Variants in TCP11L2 observed in about 807,000 individuals in gnomAD.
TCP11L2 encodes T-complex protein 11-like protein 2.
In TCP11L2, 39 loss-of-function variants were observed where a neutral mutation model predicts 50.7. The observed-to-expected ratio is 0.77, with a 90% confidence interval of 0.60 to 1.01. TCP11L2 has a LOEUF of 1.01. Ranked by LOEUF, TCP11L2 falls within the 50% of genes least tolerant of loss-of-function variation. TCP11L2 has a pLI of 0.00. For missense variants in TCP11L2, 612 were observed against 614.7 expected, an observed-to-expected ratio of 1.00 and a Z score of 0.05; for synonymous variants, 192 against 219.3, an observed-to-expected ratio of 0.88 and a Z score of 1.10.
At chr12:106,306,737 A>G (rs192980326) in intron 1 of TCP11L2, among the ~76,000 whole-genome samples, 1 of 152,350 alleles carries the variant, frequency 6.6e-6, no homozygotes, top group East Asian at 1.9e-4. Flanking sequence ...CTTGACAGAT[A>G]CTATTTCAGT....
intron 8 of TCP11L2, among the ~76,000 whole-genome samples, chr12:106,336,834 C>T (rs752541951): frequency 6.6e-6 from 1 of 152,078 alleles, no homozygotes; most frequent in Non-Finnish European, 1.5e-5. Context: ...TTGAAGAGGG[C>T]TTTCCTCCAG....
At chr12:106,322,203 A>G (rs2035365826) in intron 5 of TCP11L2, among the ~76,000 whole-genome samples, 1 of 151,968 alleles carries the variant, frequency 6.6e-6, no homozygotes, top group Non-Finnish European at 1.5e-5. Flanking sequence ...TGATCAGACA[A>G]CCCTCCACGT....
chr12:106,310,900 G>A (rs1372920000), intron 1 of TCP11L2, 141 bp from the exon 2 acceptor site: 8 of 696,348 alleles, frequency 1.1e-5, no homozygotes, highest in Non-Finnish European at 1.9e-5. Flanking sequence ...CGGCCAAGGT[G>A]CTGGGGGAAG....
chr12:106,303,252 CA>C (rs2034491564), intron 1 of TCP11L2: 1 of 152,584 alleles, frequency 6.6e-6, no homozygotes, highest in Admixed American at 6.5e-5. Context: ...TCCTGCTGGA[CA>C]GGTACCAGCG....
upstream of TCP11L2, among the ~76,000 whole-genome samples, chr12:106,300,547 G>A (rs2034392684): frequency 6.6e-6 from 1 of 152,192 alleles, no homozygotes; most frequent in East Asian, 1.9e-4. Context: ...AGCCAGGATG[G>A]TCTCGATCTC....
chr12:106,311,469 A>G (rs1334429711), intron 2 of TCP11L2, among the ~76,000 whole-genome samples: 20 of 152,210 alleles, frequency 1.3e-4, no homozygotes, highest in Admixed American at 1.3e-3. Flanking sequence ...CGGTCTGATG[A>G]TAAGTCAGGA....
At chr12:106,333,523 A>G (rs1356524681) in intron 6 of TCP11L2, among the ~76,000 whole-genome samples, 1 of 152,180 alleles carries the variant, frequency 6.6e-6, no homozygotes, top group Non-Finnish European at 1.5e-5. Context: ...TGGGTAATGG[A>G]TATGGTTTAT....
chr12:106,308,590 AG>A (rs1473446303), intron 1 of TCP11L2, among the ~76,000 whole-genome samples: 4 of 152,256 alleles, frequency 2.6e-5, no homozygotes, highest in African/African-American at 9.6e-5. Context: ...TTAAGAGCAG[AG>A]CATGCATAGC....
chr12:106,341,375 G>C (rs1188003854), intron 9 of TCP11L2, among the ~76,000 whole-genome samples: 1 of 152,220 alleles, frequency 6.6e-6, no homozygotes, highest in Non-Finnish European at 1.5e-5. Flanking sequence ...CAGGCTTAAA[G>C]AGACAAAGAC....
chr12:106,320,529 A>G (rs1592949048), intron 4 of TCP11L2, among the ~76,000 whole-genome samples: 1 of 152,286 alleles, frequency 6.6e-6, no homozygotes, highest in East Asian at 1.9e-4. Flanking sequence ...CCACATCCCA[A>G]AGATGTGCAT....
intron 3 of TCP11L2, 83 bp downstream of exon 3, chr12:106,314,576 TGAGAGAGAGAGA>T (rs71072670): frequency 1.5e-4 from 43 of 282,582 alleles, no homozygotes; most frequent in South Asian, 4.9e-4. Flanking sequence ...TGTGTGTGTG[TGAGAGAGAGAGA>T]GAGAGAGAGA....
chr12:106,322,743 C>A (rs1478745659), intron 5 of TCP11L2, among the ~76,000 whole-genome samples: 2 of 152,182 alleles, frequency 1.3e-5, no homozygotes, highest in South Asian at 4.1e-4. Context: ...ATTTACTTTG[C>A]AATCTTGGGC....
chr12:106,322,298 G>A (rs1466841447), intron 5 of TCP11L2, among the ~76,000 whole-genome samples: 2 of 152,116 alleles, frequency 1.3e-5, no homozygotes, highest in Non-Finnish European at 2.9e-5. Flanking sequence ...CTGGCAAATG[G>A]GAAAGAGACC....
chr12:106,335,606 T>C (rs369810385), intron 6 of TCP11L2, 33 bp from the exon 7 acceptor site: 9 of 1,606,804 alleles, frequency 5.6e-6, no homozygotes, highest in African/African-American at 1.3e-5. Context: ...ATCAATCAGC[T>C]GTAGAACAAA....
At chr12:106,320,296 G>C (rs2035290373) in intron 4 of TCP11L2, among the ~76,000 whole-genome samples, 1 of 152,106 alleles carries the variant, frequency 6.6e-6, no homozygotes, top group African/African-American at 2.4e-5. Context: ...TACTCAGGAG[G>C]CTGGGGCAGG....
intron 6 of TCP11L2, among the ~76,000 whole-genome samples, chr12:106,334,355 G>A (rs923321884): frequency 2.0e-5 from 3 of 152,168 alleles, no homozygotes; most frequent in African/African-American, 7.2e-5. Context: ...CCTATATTCT[G>A]TATCTTGGTA....
intron 6 of TCP11L2, chr12:106,329,439 A>C: frequency 6.5e-7 from 1 of 1,534,774 alleles, no homozygotes; most frequent in Non-Finnish European, 8.7e-7. Context: ...TCCCTAAGAG[A>C]AGAGCCAACG....
chr12:106,309,768 CTTTG>C (rs995750709), intron 1 of TCP11L2, among the ~76,000 whole-genome samples: 24 of 151,764 alleles, frequency 1.6e-4, no homozygotes, highest in East Asian at 9.7e-4. Flanking sequence ...AGGGCATTGT[CTTTG>C]TTTGGTTACT....
chr12:106,307,734 C>T (rs189511267), intron 1 of TCP11L2, among the ~76,000 whole-genome samples: 74 of 152,260 alleles, frequency 4.9e-4, no homozygotes, highest in African/African-American at 1.7e-3. Context: ...TAACTACCAG[C>T]CTTGTTTGTC....
Sources: allele counts gnomAD v4.1 joint callset (sites outside exome capture counted in the v4.1 genomes callset), GRCh38; gene constraint gnomAD v4.1.1; transcripts MANE v1.5; gene names NCBI Gene and HGNC (gene_info 2026-07-23, HGNC 2026-07-21).